The following TYW1 variants were observed in gnomAD, a reference collection of about 807,000 sequenced individuals.
TYW1 encodes S-adenosyl-L-methionine-dependent tRNA 4-demethylwyosine synthase TYW1.
Under a neutral mutation model 96.2 loss-of-function variants are expected in TYW1, and 46 were observed. The ratio of observed to expected loss-of-function variants is 0.48; its 90% CI spans 0.38 to 0.61. TYW1 has a LOEUF of 0.61. Among genes scored for constraint, TYW1 ranks in the 20% least tolerant of loss-of-function variants. The probability of loss-of-function intolerance (pLI) is 0.00; values close to 1 mark genes in which losing one functional copy is unlikely to be tolerated. For synonymous variants in TYW1, 274 were observed against 323.0 expected (o/e 0.85, Z 1.63); for missense variants, 684 against 909.6 (o/e 0.75, Z 3.19).
At chr7:67,148,250 A>G (rs1222778572) in intron 13 of TYW1, among the ~76,000 whole-genome samples, 2 of 151,936 alleles carry the variant, frequency 1.3e-5, no homozygotes, top group African/African-American at 4.8e-5. Context: ...TTTTATTTCT[A>G]ATTTCTAGAA....
At chr7:67,230,670 T>TTTTTTTTTTTTTTA (rs58396277) in intron 15 of TYW1, among the ~76,000 whole-genome samples, 1 of 145,482 alleles carries the variant, frequency 6.9e-6, no homozygotes, top group Non-Finnish European at 1.5e-5. Context: ...TTTTTTTTTT[T>TTTTTTTTTTTTTTA]GAGGCGGAGT....
At position 67,055,898 on chromosome 7, in the gene TYW1, T is replaced by G. The variant is rs775934656; in HGVS notation, c.1155+11T>G. On this transcript the variant is annotated intron_variant, in intron 9 of 15. Coordinates refer to ENST00000359626, the MANE Select transcript of TYW1 (RefSeq NM_018264.4). ...TGCAGGTGGACAAAGGTATTTTTTT[T>G]GTTTTTATTCAATATGTCTATTACA... 9 of 1,611,596 alleles carry G rather than the reference T, an allele frequency of 5.6e-6. No homozygotes were observed. The highest frequency in any genetic ancestry group is 6.8e-6 in the Non-Finnish European group (8 of 1,178,486).
At chr7:67,043,405 C>T (rs1795090898) in intron 7 of TYW1, among the ~76,000 whole-genome samples, 1 of 148,686 alleles carries the variant, frequency 6.7e-6, no homozygotes. Flanking sequence ...GCTAAATAAT[C>T]CCCACAGCAA....
chr7:67,195,436 T>C, intron 15 of TYW1, 99 bp downstream of exon 15: 1 of 1,560,168 alleles, frequency 6.4e-7, no homozygotes, highest in East Asian at 2.3e-5. Flanking sequence ...ATAGGGATTA[T>C]CTGCTTGTTT....
At chr7:67,026,462 A>G (rs961955697) in intron 7 of TYW1, among the ~76,000 whole-genome samples, 4 of 152,224 alleles carry the variant, frequency 2.6e-5, no homozygotes, top group Admixed American at 1.3e-4. Flanking sequence ...GGACTCGAAC[A>G]AATGGAAAGA....
At chr7:67,230,233 T>C (rs1801704972) in intron 15 of TYW1, among the ~76,000 whole-genome samples, 1 of 151,876 alleles carries the variant, frequency 6.6e-6, no homozygotes, top group African/African-American at 2.4e-5. Context: ...TTACACAAGA[T>C]ACAGAACCAA....
At chr7:67,117,356 A>G (rs575153556) in intron 12 of TYW1, 127 bp from the exon 13 acceptor site, 5 of 995,650 alleles carry the variant, frequency 5.0e-6, no homozygotes, top group South Asian at 2.8e-5. Flanking sequence ...TTTTGGGGGA[A>G]GTGGAAGTCT....
chr7:67,013,570 G>T (rs1374178823), intron 4 of TYW1, among the ~76,000 whole-genome samples: 1 of 151,964 alleles, frequency 6.6e-6, no homozygotes, highest in Admixed American at 6.6e-5. Flanking sequence ...GGTAAGCAAG[G>T]TCACCACATT....
intron 10 of TYW1, among the ~76,000 whole-genome samples, chr7:67,082,793 G>A (rs1025671519): frequency 2.0e-5 from 3 of 152,078 alleles, no homozygotes; most frequent in African/African-American, 7.2e-5. Flanking sequence ...CTTGGATATG[G>A]TTGTACTGCT....
chr7:67,085,891 A>C (rs1364880393), intron 11 of TYW1, among the ~76,000 whole-genome samples: 1 of 151,558 alleles, frequency 6.6e-6, no homozygotes, highest in Non-Finnish European at 1.5e-5. Flanking sequence ...AATCTCTTGA[A>C]CCCAGGAGGC....
At chr7:67,149,398 C>T (rs998926596) in intron 13 of TYW1, among the ~76,000 whole-genome samples, 2 of 152,110 alleles carry the variant, frequency 1.3e-5, no homozygotes, top group Non-Finnish European at 2.9e-5. Flanking sequence ...AGATGGCTTG[C>T]TCTTCTGATG....
chr7:67,051,655 C>T (rs1235914174), intron 8 of TYW1, among the ~76,000 whole-genome samples: 2 of 151,798 alleles, frequency 1.3e-5, no homozygotes, highest in Non-Finnish European at 2.9e-5. Context: ...CATGTAGTTG[C>T]CATGTCTTAT....
chr7:67,154,865 G>A (rs1829931), intron 13 of TYW1, among the ~76,000 whole-genome samples: 39,499 of 151,830 alleles, frequency 0.26, 5,635 homozygotes, highest in African/African-American at 0.38. Context: ...TAGGCTTTCT[G>A]TATACTTTTA....
chr7:67,203,504 A>G (rs980919931), intron 15 of TYW1, among the ~76,000 whole-genome samples: 2 of 152,304 alleles, frequency 1.3e-5, no homozygotes, highest in South Asian at 2.1e-4. Flanking sequence ...ATCACAGTCT[A>G]CTGGTGTCGG....
chr7:67,067,345 C>T lies in TYW1; in HGVS notation c.1216C>T (p.Arg406Cys), dbSNP rs377758713. 40 of 1,613,916 alleles carry T rather than the reference C, an allele frequency of 2.5e-5. No individual in the cohort carries two copies. Among genetic ancestry groups the T allele is most frequent in the Admixed American group, 1.3e-4 (8 of 60,000 alleles). The change falls in exon 10 of 16, where the codon CGC becomes TGC. Residue 406 changes from arginine to cysteine, a missense_variant. By Grantham distance (180) the Arg-to-Cys change is radical (BLOSUM62 -3). Transcript: ENST00000359626. ...KHTFYGIESH[R>C]CMETTPSLAC... Reference sequence around the variant, plus strand: ...CACATTCTATGGAATTGAGAGCCATCGCTGCATGGAAACCACCCCGAGCTT... The same window carrying T: ...CACATTCTATGGAATTGAGAGCCATTGCTGCATGGAAACCACCCCGAGCTT...
intron 11 of TYW1, among the ~76,000 whole-genome samples, chr7:67,088,060 T>C (rs1044601726): frequency 3.9e-5 from 6 of 152,242 alleles, no homozygotes; most frequent in Admixed American, 3.9e-4. Context: ...AGATGGGTTT[T>C]CCCTATATTG....
chr7:67,234,348 T>TAAAAAAAAAA (rs57100190), intron 15 of TYW1, among the ~76,000 whole-genome samples: 99 of 93,070 alleles, frequency 1.1e-3, no homozygotes, highest in African/African-American at 2.7e-3. Flanking sequence ...ACCTATCTCT[T>TAAAAAAAAAA]AAAAAAAAAA....
At chr7:67,076,041 A>G (rs13310881) in intron 10 of TYW1, among the ~76,000 whole-genome samples, 1 of 152,248 alleles carries the variant, frequency 6.6e-6, no homozygotes, top group Non-Finnish European at 1.5e-5. Flanking sequence ...GCAAGCATTA[A>G]GTCGTAGCCT....
At chr7:67,099,171 G>T (rs1264814200) in intron 12 of TYW1, among the ~76,000 whole-genome samples, 1 of 151,768 alleles carries the variant, frequency 6.6e-6, no homozygotes, top group Non-Finnish European at 1.5e-5. Context: ...GTCTACAGGC[G>T]CCTGGCACCA....
Sources: allele counts gnomAD v4.1 joint callset (sites outside exome capture counted in the v4.1 genomes callset), GRCh38; gene constraint gnomAD v4.1.1; transcripts MANE v1.5; gene names NCBI Gene and HGNC (gene_info 2026-07-23, HGNC 2026-07-21).